The following ABCA13 variants were observed in gnomAD, a reference collection of about 807,000 sequenced individuals.
ABCA13 encodes the protein ATP binding cassette subfamily A member 13.
In ABCA13, 476 loss-of-function variants were observed where a neutral mutation model predicts 478.7. The ratio of observed to expected loss-of-function variants is 0.99; its 90% CI spans 0.92 to 1.07. The LOEUF (loss-of-function observed/expected upper bound fraction) is 1.07. Among genes scored for constraint, ABCA13 ranks in the 50% least tolerant of loss-of-function variants. ABCA13 has a pLI of 0.00. For synonymous variants in ABCA13, 2,252 were observed against 2,158.9 expected, an observed-to-expected ratio of 1.04 and a Z score of -1.20; for missense variants, 6,060 against 5,910.6, an observed-to-expected ratio of 1.03 and a Z score of -0.83.
chr7:48,520,068 A>G lies in ABCA13; in HGVS notation c.13825A>G (p.Lys4609Glu). The stretch of plus-strand genomic sequence containing the variant: ...TTTACAGAATATCTATGATGTCCTC[A>G]AGTGGGTCTTTACTATTTTTCCTCA... The part of the protein sequence containing the change: ...KNLQNIYDVL[K>E]WVFTIFPQFC... The change falls in exon 53 of 62, where the codon AAG (lysine) becomes GAG (glutamate). Residue 4609 changes from lysine to glutamate, a missense_variant. Transcript: ENST00000435803. The G allele has an allele frequency of 6.2e-7, 1 of 1,613,202 alleles. No individual in the cohort carries two copies. Among genetic ancestry groups the G allele is most frequent in the Non-Finnish European group, 8.5e-7 (1 of 1,179,508 alleles).
chr7:48,313,691 T>G (rs1179146435), intron 25 of ABCA13, among the ~76,000 whole-genome samples: 9 of 152,230 alleles, frequency 5.9e-5, no homozygotes. Context: ...TAGGTTTTGT[T>G]TGAACTCTTT....
chr7:48,249,152 T>C, intron 14 of ABCA13, 60 bp from the exon 15 acceptor site: 1 of 1,470,586 alleles, frequency 6.8e-7, no homozygotes, highest in East Asian at 2.3e-5. Flanking sequence ...TTTATAATGA[T>C]CTGTCATCTG....
At chr7:48,360,547 T>C (rs998361380) in intron 31 of ABCA13, among the ~76,000 whole-genome samples, 1 of 151,978 alleles carries the variant, frequency 6.6e-6, no homozygotes, top group African/African-American at 2.4e-5. Context: ...GTTTTTTATT[T>C]TTAGTTCTAT....
chr7:48,346,496 T>C (rs1192844905), intron 29 of ABCA13, among the ~76,000 whole-genome samples: 1 of 151,630 alleles, frequency 6.6e-6, no homozygotes, highest in Non-Finnish European at 1.5e-5. Flanking sequence ...TTTAACAATC[T>C]CCACTTCTCC....
intron 34 of ABCA13, among the ~76,000 whole-genome samples, chr7:48,375,525 G>A (rs2129033816): frequency 6.6e-6 from 1 of 152,188 alleles, no homozygotes; most frequent in South Asian, 2.1e-4. Flanking sequence ...AAATCTATTG[G>A]CAGCATTTTT....
intron 42 of ABCA13, among the ~76,000 whole-genome samples, chr7:48,449,845 C>T (rs554384555): frequency 6.6e-6 from 1 of 152,290 alleles, no homozygotes; most frequent in East Asian, 1.9e-4. Context: ...GTCCCATAAT[C>T]CATGTCTTTG....
rs532823355 is a variant in ABCA13, at chr7:48,178,661, G to A, written c.69+7109G>A. Among the ~76,000 whole-genome samples the A allele has an allele frequency of 1.2e-4, 18 of 150,338 alleles. No homozygotes were observed. The East Asian group carries it at 2.9e-3, about 24-fold the overall frequency. ...TTGCACTCCAGCCTGGGTGAAGAGC[G>A]AGACTCTATCTCAAAAAAATAAAAA... On this transcript the variant is annotated intron_variant, in intron 1 of 61. Coordinates refer to ENST00000435803, the MANE Select transcript of ABCA13 (RefSeq NM_152701.5).
chr7:48,499,437 C>T (rs73694652), intron 48 of ABCA13, among the ~76,000 whole-genome samples: 2,653 of 152,012 alleles, frequency 0.017, 70 homozygotes, highest in African/African-American at 0.06. Context: ...GTAATGAACC[C>T]GAAAGTGAGT....
In ABCA13 at chr7:48,294,063, C is replaced by G. The variant is rs551380244; in HGVS notation, c.8956-1637C>G. Reference sequence around the variant, plus strand: ...TGTGGCTGTGAATTTTGAAAAGCCTCAAGTTTCTTTAATTTTTTTTTCATT... The same window carrying G: ...TGTGGCTGTGAATTTTGAAAAGCCTGAAGTTTCTTTAATTTTTTTTTCATT... On this transcript the variant is annotated intron_variant, in intron 20 of 61. Coordinates refer to ENST00000435803, the MANE Select transcript of ABCA13 (RefSeq NM_152701.5). Among the ~76,000 whole-genome samples the G allele has an allele frequency of 4.6e-5, 7 of 152,032 alleles. No individual in the cohort carries two copies. In the South Asian group the frequency reaches 1.0e-3, roughly 23 times the overall value.
chr7:48,541,079 C>G (rs1245643425), intron 55 of ABCA13, among the ~76,000 whole-genome samples: 1 of 152,080 alleles, frequency 6.6e-6, no homozygotes, highest in East Asian at 1.9e-4. Flanking sequence ...AATTATTTGA[C>G]TTAAAACTAG....
chr7:48,317,501 T>G (rs964943277), intron 27 of ABCA13, among the ~76,000 whole-genome samples: 3 of 152,180 alleles, frequency 2.0e-5, no homozygotes, highest in South Asian at 4.1e-4. Flanking sequence ...TAGAGGACAC[T>G]TTGGGGGTTG....
Position 48,286,717 on chromosome 7 carries a change from A to G in ABCA13, c.8837-1243A>G, listed in dbSNP as rs1342845120. ...ACGGGGTTTTACCACATTGGCCAGG[A>G]TGGTCTCGATCTCCTGACCTCGTGA... On this transcript the variant is annotated intron_variant, in intron 19 of 61. Transcript: ENST00000435803. Among the ~76,000 whole-genome samples the G allele has an allele frequency of 3.9e-5, 6 of 151,938 alleles. 1 individual carries two copies. In the South Asian group the frequency reaches 1.2e-3, roughly 32 times the overall value.
chr7:48,310,217 C>G, intron 24 of ABCA13, 76 bp downstream of exon 24: 1 of 1,484,102 alleles, frequency 6.7e-7, no homozygotes, highest in African/African-American at 1.4e-5. Flanking sequence ...TACAGTAGTC[C>G]TAGGGGTGCG....
At chr7:48,326,589 C>T (rs1231760749) in intron 27 of ABCA13, among the ~76,000 whole-genome samples, 12 of 152,144 alleles carry the variant, frequency 7.9e-5, no homozygotes, top group African/African-American at 2.4e-4. Context: ...TTGTCATACA[C>T]GTTTTGCAGG....
In ABCA13 at chr7:48,192,999, T is replaced by C. The variant is rs757124318; in HGVS notation, c.110T>C (p.Phe37Ser). 1.1e-4 allele frequency: 172 copies of C among 1,535,810 alleles called. No individual in the cohort carries two copies. The highest frequency in any genetic ancestry group is 1.4e-4 in the Non-Finnish European group (166 of 1,146,624). ...LAEFFWPCIL[F>S]VILTVLRFQE... ...GAATTCTTCTGGCCTTGTATCCTGT[T>C]TGTAATTCTGACAGTTCTTCGTTTT... The change falls in exon 2 of 62, where the codon TTT becomes TCT. Residue 37 changes from phenylalanine (F) to serine (S), a missense_variant. Physicochemically the swap from Phe to Ser is radical, Grantham distance 155 (BLOSUM62 -2). This residue lies in a region of ABCA13 where 4,423 missense variants were observed against 4,309.1 expected (regional missense o/e 1.03). Coordinates refer to ENST00000435803, the MANE Select transcript of ABCA13 (RefSeq NM_152701.5).
At chr7:48,225,656 T>G (rs1788102085) in intron 5 of ABCA13, among the ~76,000 whole-genome samples, 1 of 152,222 alleles carries the variant, frequency 6.6e-6, no homozygotes, top group Admixed American at 6.5e-5. Flanking sequence ...TTTTGTAGAC[T>G]ATCTATCTCA....
At chr7:48,252,410 A>G (rs1584450372) in intron 15 of ABCA13, among the ~76,000 whole-genome samples, 1 of 152,164 alleles carries the variant, frequency 6.6e-6, no homozygotes, top group Admixed American at 6.5e-5. Context: ...CATTGTTCAA[A>G]CATCATAGAG....
intron 20 of ABCA13, among the ~76,000 whole-genome samples, chr7:48,290,843 T>C (rs969196536): frequency 6.9e-6 from 1 of 144,940 alleles, no homozygotes; most frequent in Non-Finnish European, 1.5e-5. Context: ...TGCATTGATA[T>C]GCTACAAAAA....
chr7:48,389,343 T>G, intron 37 of ABCA13, 123 bp downstream of exon 37: 2 of 1,124,912 alleles, frequency 1.8e-6, no homozygotes, highest in Non-Finnish European at 2.5e-6. Context: ...AATACAGAGT[T>G]TAGAGACACG....
Sources: gnomAD v4.1 joint callset for allele counts (sites outside exome capture counted in the v4.1 genomes callset) on GRCh38, gnomAD v4.1.1 for gene constraint, gnomAD v4.1.1 regional missense constraint, MANE v1.5 for transcripts, NCBI Gene and HGNC (gene_info 2026-07-23, HGNC 2026-07-21) for gene names.